Variants in CSMD1 observed in about 807,000 individuals in gnomAD.
The protein encoded by CSMD1 is CUB and sushi domain-containing protein 1.
Under a neutral mutation model 417.5 loss-of-function variants are expected in CSMD1, and 213 were observed. That is an observed-to-expected ratio of 0.51 (90% CI 0.46 to 0.57). CSMD1 has a LOEUF of 0.57. Among genes scored for constraint, CSMD1 ranks in the 20% least tolerant of loss-of-function variants. The probability of loss-of-function intolerance (pLI) is 0.00; values close to 1 mark genes in which losing one functional copy is unlikely to be tolerated. For synonymous variants in CSMD1, 2,862 were observed against 1,736.8 expected (o/e 1.65, Z -16.11); for missense variants, 6,923 against 4,529.7 (o/e 1.53, Z -15.17).
chr8:3,166,813 A>G (rs1439738325), intron 37 of CSMD1, among the ~76,000 whole-genome samples: 1 of 152,250 alleles, frequency 6.6e-6, no homozygotes, highest in Non-Finnish European at 1.5e-5. Flanking sequence ...CGTAACTATG[A>G]TAGGAAAATT....
intron 5 of CSMD1, among the ~76,000 whole-genome samples, chr8:3,953,194 G>C (rs1017840327): frequency 5.9e-5 from 9 of 151,956 alleles, no homozygotes; most frequent in Non-Finnish European, 1.2e-4. Context: ...TTGTGTAGAA[G>C]CACTATAAAC....
At chr8:4,508,677 G>A (rs576299017) in intron 2 of CSMD1, among the ~76,000 whole-genome samples, 3 of 152,182 alleles carry the variant, frequency 2.0e-5, no homozygotes, top group African/African-American at 4.8e-5. Flanking sequence ...TTGATAACAA[G>A]GCAGCTGGTA....
At chr8:3,677,978 G>A (rs1358519168) in intron 7 of CSMD1, among the ~76,000 whole-genome samples, 2 of 152,152 alleles carry the variant, frequency 1.3e-5, no homozygotes, top group African/African-American at 2.4e-5. Context: ...ACTTGGTGCA[G>A]GGACTCACAG....
chr8:4,292,536 C>A (rs1489872273), intron 3 of CSMD1, among the ~76,000 whole-genome samples: 5 of 152,080 alleles, frequency 3.3e-5, no homozygotes, highest in African/African-American at 1.2e-4. Context: ...ACAGCCCAGG[C>A]GTGAGCCACC....
At chr8:4,679,278 C>G (rs750362990) in intron 1 of CSMD1, among the ~76,000 whole-genome samples, 1 of 152,302 alleles carries the variant, frequency 6.6e-6, no homozygotes. Context: ...GAGAAGGTAG[C>G]TTGACCTTAC....
intron 4 of CSMD1, among the ~76,000 whole-genome samples, chr8:4,004,216 T>C (rs1057275492): frequency 6.6e-6 from 1 of 152,010 alleles, no homozygotes; most frequent in Non-Finnish European, 1.5e-5. Context: ...ATTTAAAAAC[T>C]CCTTCAATCT....
In CSMD1 at chr8:3,898,478, T is replaced by A. The variant is rs186644003; in HGVS notation, c.818+99425A>T. Among the ~76,000 whole-genome samples the A allele has an allele frequency of 2.3e-3, 354 of 152,378 alleles. 1 individual carries two copies. The highest frequency in any genetic ancestry group is 4.2e-3 in the Non-Finnish European group (286 of 68,038). On this transcript the variant is annotated intron_variant, in intron 5 of 69. Transcript: ENST00000635120. ...GAATAATATTATGGATGTCGCATCA[T>A]AATTGTACAAAACCTACTGTTCCAG...
chr8:4,023,278 C>T (rs1041100934), intron 4 of CSMD1, among the ~76,000 whole-genome samples: 2 of 152,194 alleles, frequency 1.3e-5, no homozygotes, highest in Non-Finnish European at 2.9e-5. Flanking sequence ...ACCAACTACC[C>T]ATCATTGAGA....
Position 3,110,290 on chromosome 8 carries a change from G to A in CSMD1, c.6476C>T (p.Ser2159Phe). 1.9e-6 allele frequency: 3 copies of A among 1,613,480 alleles called. No homozygotes were observed. The highest frequency in any genetic ancestry group is 2.5e-6 in the Non-Finnish European group (3 of 1,179,714). ...NVTSQNGTIY[S>F]PGFPDEYPIL... ...CGGATACTCATCAGGAAAGCCAGGG[G>A]AGTAGATGGTGCCGTTCTGAGAAGT... Residue 2159 changes from serine to phenylalanine, a missense_variant, in exon 43 of 70, where the codon TCC becomes TTC. Ser to Phe is a radical substitution (Grantham distance 155). Coordinates refer to ENST00000635120, the MANE Select transcript of CSMD1 (RefSeq NM_033225.6).
At chr8:3,238,096 C>G (rs528252560) in intron 26 of CSMD1, among the ~76,000 whole-genome samples, 11 of 151,446 alleles carry the variant, frequency 7.3e-5, no homozygotes, top group Admixed American at 4.6e-4. Context: ...AGAGAGTCAC[C>G]GAAGGGAGAT....
intron 3 of CSMD1, among the ~76,000 whole-genome samples, chr8:4,295,083 CTTAAGATTACACACAT>C: frequency 6.9e-6 from 1 of 145,668 alleles, no homozygotes; most frequent in Non-Finnish European, 1.5e-5. Flanking sequence ...CACATATAAT[CTTAAGATTACACACAT>C]ATAATCTTAA....
intron 10 of CSMD1, among the ~76,000 whole-genome samples, chr8:3,523,099 T>C (rs997542219): frequency 1.3e-5 from 2 of 151,668 alleles, no homozygotes; most frequent in Non-Finnish European, 2.9e-5. Context: ...CATCCAATAT[T>C]ATAGTTACAT....
At position 3,892,798 on chromosome 8, in the gene CSMD1, C is replaced by T. The variant is rs73495919; in HGVS notation, c.818+105105G>A. Among the ~76,000 whole-genome samples, 1,295 of 144,710 alleles carry T rather than the reference C, an allele frequency of 8.9e-3. 16 individuals carry two copies. Among genetic ancestry groups the T allele is most frequent in the African/African-American group, 0.029 (1,119 of 38,910 alleles). 94.9% of individuals were successfully genotyped at this position (144,710 alleles called of 152,430 possible). Reference sequence around the variant, plus strand: ...GTAGGACAATTTGGACAGTCTTCTACGTGAACTCAGGTGAGCCATGACGCC... The same window carrying T: ...GTAGGACAATTTGGACAGTCTTCTATGTGAACTCAGGTGAGCCATGACGCC... On this transcript the variant is annotated intron_variant, in intron 5 of 69. Transcript: ENST00000635120.
intron 3 of CSMD1, among the ~76,000 whole-genome samples, chr8:4,350,043 T>A (rs1434780799): frequency 6.6e-6 from 1 of 152,126 alleles, no homozygotes; most frequent in East Asian, 1.9e-4. Context: ...AGAGGCTTAG[T>A]TTTAGCTTAT....
At position 3,980,631 on chromosome 8, in the gene CSMD1, C is replaced by A. The variant is rs535720645; in HGVS notation, c.818+17272G>T. ...TGCCCCAATGATGCCTTACTTTTTG[C>A]TTATGGCTTTTCTGTATCAAATGAA... On this transcript the variant is annotated intron_variant, in intron 5 of 69. Coordinates refer to ENST00000635120, the MANE Select transcript of CSMD1 (RefSeq NM_033225.6). Among the ~76,000 whole-genome samples, 11 of 152,190 alleles carry A rather than the reference C, an allele frequency of 7.2e-5. No individual in the cohort carries two copies. The South Asian group carries it at 2.3e-3, about 32-fold the overall frequency.
intron 1 of CSMD1, among the ~76,000 whole-genome samples, chr8:4,935,938 G>C (rs889138023): frequency 6.6e-5 from 10 of 152,164 alleles, no homozygotes; most frequent in South Asian, 2.1e-4. Flanking sequence ...CTGCCGCTCA[G>C]AACAGTTAGT....
At chr8:4,918,709 C>G (rs1181195100) in intron 1 of CSMD1, among the ~76,000 whole-genome samples, 1 of 152,062 alleles carries the variant, frequency 6.6e-6, no homozygotes, top group Non-Finnish European at 1.5e-5. Context: ...ATACATTTTT[C>G]GTAATTTCAC....
At chr8:3,103,649 G>T (rs1815916275) in intron 46 of CSMD1, among the ~76,000 whole-genome samples, 1 of 151,892 alleles carries the variant, frequency 6.6e-6, no homozygotes. Context: ...CATGCAGTGC[G>T]TGATTATTCT....
At chr8:3,689,310 T>C (rs977207651) in intron 7 of CSMD1, among the ~76,000 whole-genome samples, 2 of 152,138 alleles carry the variant, frequency 1.3e-5, no homozygotes, top group African/African-American at 4.8e-5. Context: ...GACTAAGCCA[T>C]CTCCAGATGA....
Sources: gnomAD v4.1 joint callset for allele counts (sites outside exome capture counted in the v4.1 genomes callset) on GRCh38, gnomAD v4.1.1 for gene constraint, MANE v1.5 for transcripts, NCBI Gene and HGNC (gene_info 2026-07-23, HGNC 2026-07-21) for gene names.